PRSS3: variants seen among roughly 807,000 people sequenced by gnomAD.
PRSS3 encodes the protein trypsin-3.
In PRSS3, 14 loss-of-function variants were observed where a neutral mutation model predicts 20.8. The ratio of observed to expected loss-of-function variants is 0.67; its 90% CI spans 0.44 to 1.05. The LOEUF is 1.05. Ranked by LOEUF, PRSS3 falls within the 50% of genes least tolerant of loss-of-function variation. The pLI is 0.00. For synonymous variants in PRSS3, 91 were observed against 117.6 expected (o/e 0.77, Z 1.46); for missense variants, 237 against 306.4 (o/e 0.77, Z 1.69).
chr9:33,793,974 T>G (rs2119091187), upstream of PRSS3, among the ~76,000 whole-genome samples: 1 of 152,364 alleles, frequency 6.6e-6, no homozygotes, highest in Non-Finnish European at 1.5e-5. Flanking sequence ...CATCAGTGAT[T>G]AGAGGGGATG....
intron 2 of PRSS3, among the ~76,000 whole-genome samples, chr9:33,797,120 C>T (rs1825000153): frequency 6.6e-6 from 1 of 152,182 alleles, no homozygotes; most frequent in Non-Finnish European, 1.5e-5. Flanking sequence ...TGTCCTACCC[C>T]AGGGCAATTA....
chr9:33,771,967 G>A (rs1334015770), intron 1 of PRSS3, among the ~76,000 whole-genome samples: 3 of 150,698 alleles, frequency 2.0e-5, no homozygotes, highest in Non-Finnish European at 3.0e-5. Flanking sequence ...TGCCTCCTGG[G>A]TTCAAGCTAT....
At chr9:33,756,217 A>T (rs1822940573) in intron 1 of PRSS3, among the ~76,000 whole-genome samples, 1 of 152,126 alleles carries the variant, frequency 6.6e-6, no homozygotes, top group Non-Finnish European at 1.5e-5. Context: ...TTTTGAAAAC[A>T]TTGCTCTATT....
chr9:33,796,552 G>A (rs771437252), intron 1 of PRSS3, 91 bp from the exon 2 acceptor site: 180 of 1,511,506 alleles, frequency 1.2e-4, no homozygotes, highest in Non-Finnish European at 3.4e-5. Flanking sequence ...GCTTGTTAAG[G>A]ATTTCTAATT....
chr9:33,764,499 C>A (rs1437413271), intron 1 of PRSS3, among the ~76,000 whole-genome samples: 1 of 152,146 alleles, frequency 6.6e-6, no homozygotes, highest in Admixed American at 6.5e-5. Context: ...CACCATTGCA[C>A]TCCAGCCTGG....
intron 4 of PRSS3, 166 bp downstream of exon 4, chr9:33,798,788 T>C: frequency 8.2e-7 from 1 of 1,216,636 alleles, no homozygotes; most frequent in African/African-American, 1.5e-5. Flanking sequence ...ATTGCCCCCA[T>C]GGAGAAACGA....
chr9:33,795,145 G>A (rs1440902382), upstream of PRSS3, among the ~76,000 whole-genome samples: 3 of 152,196 alleles, frequency 2.0e-5, no homozygotes, highest in Non-Finnish European at 4.4e-5. Context: ...AAACTGAAAA[G>A]CCAAGCTTGT....
chr9:33,777,531 CAAAAAAAAAA>C, intron 1 of PRSS3, among the ~76,000 whole-genome samples: 1 of 101,860 alleles, frequency 9.8e-6, no homozygotes. Context: ...CTAAAAATAC[CAAAAAAAAAA>C]AAAAAAAAAA....
intron 1 of PRSS3, among the ~76,000 whole-genome samples, chr9:33,778,336 C>T (rs745681859): frequency 1.3e-5 from 2 of 152,074 alleles, no homozygotes; most frequent in Non-Finnish European, 2.9e-5. Flanking sequence ...CACTCTTAAC[C>T]ACTTCTATTC....
At position 33,799,206 on chromosome 9, in the gene PRSS3, A is replaced by G. The variant is rs769300535; in HGVS notation, c.*26A>G. 9.3e-6 allele frequency: 15 copies of G among 1,613,042 alleles called. No individual in the cohort carries two copies. The highest frequency in any genetic ancestry group is 1.3e-5 in the African/African-American group (1 of 75,052). On this transcript the variant is annotated 3_prime_UTR_variant, in exon 5 of 5. Coordinates refer to ENST00000379405, the MANE Select transcript of PRSS3 (RefSeq NM_002771.4). The stretch of plus-strand genomic sequence containing the variant: ...AGCCCCCGGTCCCTCTGCAGTCTCT[A>G]TACCAATAAAGTGGCCCTGCTCTCA...
intron 1 of PRSS3, among the ~76,000 whole-genome samples, chr9:33,752,140 C>A (rs561647613): frequency 1.3e-5 from 2 of 152,234 alleles, no homozygotes; most frequent in South Asian, 4.1e-4. Context: ...AAACAGTGCC[C>A]CCACTTACTT....
intron 1 of PRSS3, among the ~76,000 whole-genome samples, chr9:33,766,438 T>A (rs868446117): frequency 2.6e-5 from 4 of 151,662 alleles, no homozygotes; most frequent in African/African-American, 9.7e-5. Flanking sequence ...CCGGGCATGG[T>A]GGCAGGCGCC....
intron 4 of PRSS3, 189 bp from the exon 5 acceptor site, chr9:33,798,839 A>T: frequency 9.5e-7 from 1 of 1,047,642 alleles, no homozygotes; most frequent in Non-Finnish European, 1.4e-6. Context: ...CAGTGCCCCC[A>T]TTGGGAAATG....
intron 2 of PRSS3, among the ~76,000 whole-genome samples, chr9:33,797,060 C>G (rs1310680171): frequency 6.6e-6 from 1 of 152,170 alleles, no homozygotes; most frequent in Non-Finnish European, 1.5e-5. Flanking sequence ...TGCTGGTTAG[C>G]TACACATTAA....
At chr9:33,780,014 T>A (rs911588356) in intron 1 of PRSS3, among the ~76,000 whole-genome samples, 1 of 150,120 alleles carries the variant, frequency 6.7e-6, no homozygotes, top group Non-Finnish European at 1.5e-5. Context: ...ACCAAAAAAA[T>A]TGCCTAATCT....
intron 3 of PRSS3, 31 bp from the exon 4 acceptor site, chr9:33,798,455 A>G (rs374245591): frequency 9.9e-6 from 16 of 1,610,510 alleles, no homozygotes; most frequent in Non-Finnish European, 1.4e-5. Flanking sequence ...CCACATTTCT[A>G]CTTTCTTTGA....
Position 33,777,531 on chromosome 9 carries a change from C to CAAAAAAA in PRSS3, c.-52-17199_-52-17193dup, listed in dbSNP as rs74180503. On this transcript the variant is annotated intron_variant, in intron 1 of 5. Coordinates refer to the PRSS3 transcript ENST00000342836. The stretch of plus-strand genomic sequence containing the variant: ...GAAACCCCGTCTCTACTAAAAATAC[C>CAAAAAAA]AAAAAAAAAAAAAAAAAAAAAATTA... Among the ~76,000 whole-genome samples the CAAAAAAA allele has an allele frequency of 4.6e-3, 471 of 101,750 alleles. 3 individuals are homozygous for CAAAAAAA. The highest frequency in any genetic ancestry group is 6.7e-3 in the Non-Finnish European group (360 of 53,544). 66.8% of individuals were successfully genotyped at this position (101,750 alleles called of 152,430 possible).
At position 33,795,608 on chromosome 9, in the gene PRSS3, C is replaced by A; in HGVS notation, c.35C>A (p.Ala12Asp). 2.5e-6 allele frequency: 4 copies of A among 1,614,162 alleles called. No homozygotes were observed. The highest frequency in any genetic ancestry group is 3.4e-6 in the Non-Finnish European group (4 of 1,180,018). Residue 12 changes from alanine (A) to aspartate (D), a missense_variant, in exon 1 of 5, where the codon GCT becomes GAT. Coordinates refer to ENST00000379405, the MANE Select transcript of PRSS3 (RefSeq NM_002771.4). ...NPFLILAFVG[A>D]AVAVPFDDDD... ...TTCCTGATCCTTGCCTTTGTGGGAGCTGCTGGCGAGTTTCATGACCTGCCT... is the reference window on the plus strand; with the variant it reads ...TTCCTGATCCTTGCCTTTGTGGGAGATGCTGGCGAGTTTCATGACCTGCCT...
chr9:33,756,441 TTCAATCCAAAAATTACATTCTTC>T (rs1222080557), intron 1 of PRSS3, among the ~76,000 whole-genome samples: 1 of 152,230 alleles, frequency 6.6e-6, no homozygotes, highest in African/African-American at 2.4e-5. Flanking sequence ...TATAGGTCTT[TTCAATCCAAAAATTACATTCTTC>T]GGTTCTGAGT....
Sources: allele counts gnomAD v4.1 joint callset (sites outside exome capture counted in the v4.1 genomes callset), GRCh38; gene constraint gnomAD v4.1.1; transcripts MANE v1.5; gene names NCBI Gene and HGNC (gene_info 2026-07-23, HGNC 2026-07-21).